The following STRADA variants were observed in gnomAD, a reference collection of about 807,000 sequenced individuals.
STRADA encodes STE20 related adaptor alpha.
Under a neutral mutation model 55.0 loss-of-function variants are expected in STRADA, and 26 were observed. The ratio of observed to expected loss-of-function variants is 0.47; its 90% CI spans 0.35 to 0.66. The LOEUF is 0.66. Ranked by LOEUF, STRADA falls within the 30% of genes least tolerant of loss-of-function variation. STRADA has a pLI of 0.01. For synonymous variants in STRADA, 197 were observed against 210.9 expected, an observed-to-expected ratio of 0.93 and a Z score of 0.57; for missense variants, 443 against 549.7, an observed-to-expected ratio of 0.81 and a Z score of 1.94.
At chr17:63,741,008 G>GA (rs2038901106) in intron 1 of STRADA, among the ~76,000 whole-genome samples, 1 of 152,110 alleles carries the variant, frequency 6.6e-6, no homozygotes, top group African/African-American at 2.4e-5. Flanking sequence ...ATACGTATTG[G>GA]AACATGCTTC....
chr17:63,718,384 A>G (rs1338323730), intron 4 of STRADA, among the ~76,000 whole-genome samples: 1 of 152,186 alleles, frequency 6.6e-6, no homozygotes, highest in Non-Finnish European at 1.5e-5. Context: ...AGAGTTCTGA[A>G]ATGACAACTC....
At chr17:63,737,559 T>G (rs1285971426) in intron 1 of STRADA, 2 of 151,920 alleles carry the variant, frequency 1.3e-5, no homozygotes, top group Non-Finnish European at 2.9e-5. Context: ...AGGGAAGAGA[T>G]AGAGGAATGA....
chr17:63,737,239 ACT>A (rs2038501765), intron 1 of STRADA, among the ~76,000 whole-genome samples: 1 of 131,224 alleles, frequency 7.6e-6, no homozygotes, highest in Admixed American at 8.0e-5. Context: ...ACAGAGCAAC[ACT>A]CTATCTCAAA....
intron 10 of STRADA, 38 bp from the exon 11 acceptor site, chr17:63,704,620 TGGGGGG>T: frequency 8.2e-6 from 10 of 1,212,638 alleles, no homozygotes; most frequent in Non-Finnish European, 9.5e-6. Flanking sequence ...CTGTAGCGGG[TGGGGGG>T]GGGGGGTGGT....
chr17:63,703,405 T>G lies in STRADA; in HGVS notation c.*194A>C. 3 of 583,750 alleles carry G rather than the reference T, an allele frequency of 5.1e-6. No individual in the cohort carries two copies. Among genetic ancestry groups the G allele is most frequent in the Non-Finnish European group, 8.9e-6 (3 of 336,336 alleles). The allele number at this position is 583,750 out of a possible 1,614,324, so 36.2% of individuals were successfully genotyped here. A position where few individuals can be genotyped will look rare whatever the true frequency, so the allele number is the denominator to read the frequency against. ...ATCCCTGGTTGTTGAGATTCCCTTG[T>G]GTCTCAAAAGCCTTGGAGCAGTGAA... On this transcript the variant is annotated 3_prime_UTR_variant, in exon 13 of 13. Transcript: ENST00000336174.
intron 1 of STRADA, among the ~76,000 whole-genome samples, chr17:63,729,705 C>T (rs892475835): frequency 6.6e-6 from 1 of 151,834 alleles, no homozygotes; most frequent in Non-Finnish European, 1.5e-5. Context: ...AGAAGAATTG[C>T]TTGAACCCAG....
At chr17:63,731,286 C>T (rs1478271834) in intron 1 of STRADA, among the ~76,000 whole-genome samples, 1 of 105,268 alleles carries the variant, frequency 9.5e-6, no homozygotes, top group Admixed American at 1.3e-4. Flanking sequence ...TTTTCTGAGA[C>T]GGAGTCTTGC....
chr17:63,713,950 G>T, intron 5 of STRADA, 56 bp downstream of exon 5: 2 of 1,425,222 alleles, frequency 1.4e-6, no homozygotes, highest in Non-Finnish European at 2.0e-6. Context: ...TGCTGAGAAA[G>T]CTGCAGCAGC....
Position 63,711,682 on chromosome 17 carries a change from C to T in STRADA, c.349-846G>A, listed in dbSNP as rs1461160238. On this transcript the variant is annotated intron_variant, in intron 6 of 12. Coordinates refer to ENST00000336174, the MANE Select transcript of STRADA (RefSeq NM_001003787.4). ...GGGCATGGTGGCTCACGCCTGTAAT[C>T]CCAGCACTTTGGGAGGCGAGGCAGG... Among the ~76,000 whole-genome samples, 3 of 151,680 alleles carry T rather than the reference C, an allele frequency of 2.0e-5. No individual in the cohort carries two copies. The East Asian group carries it at 5.9e-4, about 30-fold the overall frequency.
chr17:63,721,630 C>T (rs552706313), intron 4 of STRADA, among the ~76,000 whole-genome samples: 34 of 151,204 alleles, frequency 2.2e-4, no homozygotes, highest in Non-Finnish European at 4.3e-4. Context: ...AGGAGAATTG[C>T]TTGAACCCAG....
At chr17:63,735,404 A>G (rs2038350976) in intron 1 of STRADA, among the ~76,000 whole-genome samples, 1 of 152,230 alleles carries the variant, frequency 6.6e-6, no homozygotes, top group Non-Finnish European at 1.5e-5. Flanking sequence ...CTCAACGTTA[A>G]TAACTCTAAA....
intron 3 of STRADA, among the ~76,000 whole-genome samples, chr17:63,725,282 G>A (rs757636792): frequency 6.6e-6 from 1 of 152,128 alleles, no homozygotes; most frequent in African/African-American, 2.4e-5. Flanking sequence ...CTATCTGGGC[G>A]TATTTTGGAT....
intron 3 of STRADA, 182 bp downstream of exon 3, chr17:63,726,456 A>C (rs1349533085): frequency 1.8e-6 from 1 of 560,988 alleles, no homozygotes; most frequent in Non-Finnish European, 3.1e-6. Context: ...GGCCAAGGAA[A>C]ATTGCCATGT....
chr17:63,707,531 C>T lies in STRADA; in HGVS notation c.582-113G>A, dbSNP rs573759438. ...CTCTCCTGTGTGCGTGTGTTATACACGTATATGTGTATTTTACATATACAT... is the reference window on the plus strand; with the variant it reads ...CTCTCCTGTGTGCGTGTGTTATACATGTATATGTGTATTTTACATATACAT... On this transcript the variant is annotated intron_variant, in intron 8 of 12. Coordinates refer to ENST00000336174, the MANE Select transcript of STRADA (RefSeq NM_001003787.4). 177 of 928,860 alleles carry T rather than the reference C, an allele frequency of 1.9e-4. No homozygotes were observed. The East Asian group carries it at 3.1e-3, about 16-fold the overall frequency. The allele number at this position is 928,860 out of a possible 1,614,324, so 57.5% of individuals were successfully genotyped here.
At chr17:63,719,201 T>G (rs2037115490) in intron 4 of STRADA, 1 of 152,226 alleles carries the variant, frequency 6.6e-6, no homozygotes, top group African/African-American at 2.4e-5. Context: ...AGCCTCATAA[T>G]GACACAGTCG....
chr17:63,739,232 C>T (rs1209353627), intron 1 of STRADA, among the ~76,000 whole-genome samples: 1 of 150,526 alleles, frequency 6.6e-6, no homozygotes, highest in East Asian at 2.0e-4. Flanking sequence ...GCCCCCTATA[C>T]AATTATTTTA....
chr17:63,739,804 TGTATATACATATA>T (rs1392781706), intron 1 of STRADA, among the ~76,000 whole-genome samples: 457 of 32,782 alleles, frequency 0.014, 3 homozygotes, highest in Non-Finnish European at 0.02. Context: ...CATAATTATA[TGTATATACATATA>T]ATGTACATAA....
intron 3 of STRADA, among the ~76,000 whole-genome samples, chr17:63,725,364 G>C (rs1311441299): frequency 6.6e-6 from 1 of 152,088 alleles, no homozygotes; most frequent in Non-Finnish European, 1.5e-5. Context: ...TTGAGACGGA[G>C]TCTCAAAAAC....
chr17:63,729,744 G>A (rs546235030), intron 1 of STRADA, among the ~76,000 whole-genome samples: 17 of 151,470 alleles, frequency 1.1e-4, no homozygotes, highest in South Asian at 6.3e-4. Flanking sequence ...AGCCAAGGTC[G>A]CGCCACTGCA....
Sources: allele counts gnomAD v4.1 joint callset (sites outside exome capture counted in the v4.1 genomes callset), GRCh38; gene constraint gnomAD v4.1.1; transcripts MANE v1.5; gene names NCBI Gene and HGNC (gene_info 2026-07-23, HGNC 2026-07-21).